Variants in PRKN observed in about 807,000 individuals in gnomAD.
PRKN encodes E3 ubiquitin-protein ligase parkin.
PRKN carries 56 observed loss-of-function variants against 59.5 expected under a neutral mutation model. The ratio of observed to expected loss-of-function variants is 0.94; its 90% confidence interval spans 0.76 to 1.18. PRKN has a LOEUF of 1.18. Among genes scored for constraint, PRKN ranks in the 50% most tolerant of loss-of-function variants. The probability of loss-of-function intolerance (pLI) is 0.00; values close to 1 mark genes in which losing one functional copy is unlikely to be tolerated. For missense variants in PRKN, 657 were observed against 596.4 expected (o/e 1.10, Z -1.06); for synonymous variants, 250 against 222.1 (o/e 1.13, Z -1.12).
intron 5 of PRKN, among the ~76,000 whole-genome samples, chr6:162,050,898 G>T (rs562795004): frequency 2.6e-5 from 4 of 152,266 alleles, no homozygotes; most frequent in African/African-American, 9.6e-5. Flanking sequence ...CTCGAATCCA[G>T]CCAAGACAGG....
At chr6:161,733,802 A>ATATATATATG (rs1554298526) in intron 7 of PRKN, among the ~76,000 whole-genome samples, 30 of 118,840 alleles carry the variant, frequency 2.5e-4, no homozygotes, top group African/African-American at 1.3e-3. Flanking sequence ...ATATATGTAT[A>ATATATATATG]TATATATATA....
At chr6:161,523,765 TC>T (rs530724395) in intron 9 of PRKN, among the ~76,000 whole-genome samples, 4 of 152,222 alleles carry the variant, frequency 2.6e-5, no homozygotes, top group Non-Finnish European at 5.9e-5. Flanking sequence ...TAAAATGGTA[TC>T]CTTTTATCTT....
At chr6:161,564,553 C>CA (rs1780568625) in intron 8 of PRKN, among the ~76,000 whole-genome samples, 1 of 152,210 alleles carries the variant, frequency 6.6e-6, no homozygotes, top group Non-Finnish European at 1.5e-5. Flanking sequence ...ACTTCGCCTG[C>CA]AGCACCCTCA....
rs561514733 is a variant in PRKN, at chr6:162,603,912, C to G, written c.7+123750G>C. On this transcript the variant is annotated intron_variant, in intron 1 of 11. Transcript: ENST00000366898. Reference sequence around the variant, plus strand: ...ACCAACAGACTCAGATTTTAGAGGACAGATATTTCAGAGGAGTTTCATGAG... The same window carrying G: ...ACCAACAGACTCAGATTTTAGAGGAGAGATATTTCAGAGGAGTTTCATGAG... Among the ~76,000 whole-genome samples the G allele has an allele frequency of 2.6e-5, 4 of 152,216 alleles. No homozygotes were observed. In the South Asian group the frequency reaches 8.3e-4, roughly 32 times the overall value.
At chr6:162,495,260 C>T (rs1165354800) in intron 1 of PRKN, among the ~76,000 whole-genome samples, 2 of 152,118 alleles carry the variant, frequency 1.3e-5, no homozygotes, top group South Asian at 2.1e-4. Context: ...TAATACATAT[C>T]GTGTTCCAAA....
chr6:162,441,128 C>G (rs1306888598), intron 2 of PRKN, among the ~76,000 whole-genome samples: 1 of 152,010 alleles, frequency 6.6e-6, no homozygotes, highest in East Asian at 1.9e-4. Context: ...TAGGCATCTC[C>G]AAACACACGT....
At chr6:162,035,404 G>T (rs889042111) in intron 5 of PRKN, among the ~76,000 whole-genome samples, 3 of 152,128 alleles carry the variant, frequency 2.0e-5, no homozygotes, top group Non-Finnish European at 2.9e-5. Context: ...AATTTTGGGG[G>T]TGCTAGGTTT....
intron 9 of PRKN, among the ~76,000 whole-genome samples, chr6:161,392,267 C>T (rs1365043579): frequency 6.6e-6 from 1 of 151,580 alleles, no homozygotes; most frequent in Non-Finnish European, 1.5e-5. Context: ...ACCTGTAATC[C>T]CAGCTACTTG....
intron 7 of PRKN, among the ~76,000 whole-genome samples, chr6:161,785,280 C>A (rs1309369392): frequency 6.6e-6 from 1 of 152,108 alleles, no homozygotes; most frequent in Non-Finnish European, 1.5e-5. Flanking sequence ...TATGTAATAA[C>A]AGTATAGTAC....
Position 161,468,630 on chromosome 6 carries a change from G to C in PRKN, c.1083+80224C>G, listed in dbSNP as rs1790605385. On this transcript the variant is annotated intron_variant, in intron 9 of 11. Coordinates refer to ENST00000366898, the MANE Select transcript of PRKN (RefSeq NM_004562.3). This position sits in a 1 kb window ranked among gnomAD's most constrained non-coding sequence, Gnocchi z 5.9. Reference sequence around the variant, plus strand: ...CAGGAAGGCTCAGATTTAAGTGAAGGTGTCACCACAGTCTAAGTTACCATC... The same window carrying C: ...CAGGAAGGCTCAGATTTAAGTGAAGCTGTCACCACAGTCTAAGTTACCATC... 1.3e-5 allele frequency among the ~76,000 whole-genome samples: 2 copies of C among 152,092 alleles called. No homozygotes were observed. Among genetic ancestry groups the C allele is most frequent in the Admixed American group, 1.3e-4 (2 of 15,272 alleles).
intron 1 of PRKN, among the ~76,000 whole-genome samples, chr6:162,531,170 C>G (rs1243160239): frequency 6.6e-6 from 1 of 151,654 alleles, no homozygotes; most frequent in African/African-American, 2.4e-5. Context: ...AGTTTCAGAG[C>G]AGCCTGGCCA....
chr6:162,693,087 T>C lies in PRKN; in HGVS notation c.7+34575A>G, dbSNP rs146343365. Among the ~76,000 whole-genome samples, 255 of 152,336 alleles carry C rather than the reference T, an allele frequency of 1.7e-3. 5 individuals carry two copies. In the East Asian group the frequency reaches 0.042, roughly 25 times the overall value. ...AAGCAACTTTTGATATTTAGGCCAATTACAGTAATAAACATTAAATAAAAG... is the reference window on the plus strand; with the variant it reads ...AAGCAACTTTTGATATTTAGGCCAACTACAGTAATAAACATTAAATAAAAG... On this transcript the variant is annotated intron_variant, in intron 1 of 11. Coordinates refer to ENST00000366898, the MANE Select transcript of PRKN (RefSeq NM_004562.3).
intron 5 of PRKN, among the ~76,000 whole-genome samples, chr6:162,010,930 TATA>T (rs1782596897): frequency 5.0e-5 from 1 of 19,896 alleles, no homozygotes; most frequent in South Asian, 2.1e-3. Flanking sequence ...TAATATATAA[TATA>T]ATATATAATA....
At chr6:162,413,370 G>A (rs936111333) in intron 2 of PRKN, among the ~76,000 whole-genome samples, 3 of 152,156 alleles carry the variant, frequency 2.0e-5, no homozygotes, top group African/African-American at 7.2e-5. Flanking sequence ...TATTTGCGTT[G>A]TGTAGCTATG....
At chr6:162,602,053 T>G (rs1387295406) in intron 1 of PRKN, among the ~76,000 whole-genome samples, 1 of 152,176 alleles carries the variant, frequency 6.6e-6, no homozygotes, top group Non-Finnish European at 1.5e-5. Context: ...GTGGTACAGC[T>G]AATACAGCAG....
intron 7 of PRKN, among the ~76,000 whole-genome samples, chr6:161,624,560 C>T (rs1783019082): frequency 6.6e-6 from 1 of 152,178 alleles, no homozygotes; most frequent in Non-Finnish European, 1.5e-5. Context: ...AACAAAAAAA[C>T]CTTATAAGCA....
chr6:162,344,304 G>GCAAT (rs1784307802), intron 2 of PRKN, among the ~76,000 whole-genome samples: 2 of 150,500 alleles, frequency 1.3e-5, no homozygotes, highest in South Asian at 4.2e-4. Flanking sequence ...CAGAGACTCT[G>GCAAT]CAATCAGAGA....
chr6:162,565,458 CG>C (rs1780024214), intron 1 of PRKN, among the ~76,000 whole-genome samples: 1 of 152,004 alleles, frequency 6.6e-6, no homozygotes, highest in Admixed American at 6.6e-5. Context: ...CTGAGGTGGG[CG>C]GGTCACCTGC....
intron 6 of PRKN, among the ~76,000 whole-genome samples, chr6:161,872,705 C>A (rs2128226929): frequency 6.6e-6 from 1 of 152,236 alleles, no homozygotes; most frequent in African/African-American, 2.4e-5. Context: ...GCTTCACTCC[C>A]CGGCCCTCCC....
Sources: gnomAD v4.1 joint callset for allele counts (sites outside exome capture counted in the v4.1 genomes callset) on GRCh38, gnomAD v4.1.1 for gene constraint, Gnocchi (gnomAD v3.1) non-coding constraint, MANE v1.5 for transcripts, NCBI Gene and HGNC (gene_info 2026-07-23, HGNC 2026-07-21) for gene names.